SRD5A2: variants seen among roughly 807,000 people sequenced by gnomAD.
SRD5A2 encodes 3-oxo-5-alpha-steroid 4-dehydrogenase 2.
In SRD5A2, 30 loss-of-function variants were observed where a neutral mutation model predicts 27.4. The observed-to-expected ratio is 1.10, with a 90% CI of 0.82 to 1.49. The LOEUF (loss-of-function observed/expected upper bound fraction) is 1.49, where lower values mean the gene tolerates loss of function less well. Among genes scored for constraint, SRD5A2 ranks in the 40% most tolerant of loss-of-function variants. The pLI, the probability that SRD5A2 is intolerant of heterozygous loss-of-function variation, is 0.00. For missense variants in SRD5A2, 348 were observed against 323.4 expected (o/e 1.08, Z -0.58); for synonymous variants, 141 against 133.6 (o/e 1.06, Z -0.38).
At chr2:31,630,445 A>G in the SRD5A2 span, among the ~76,000 whole-genome samples, 1 of 152,182 alleles carries the variant, frequency 6.6e-6, no homozygotes, top group East Asian at 1.9e-4. Flanking sequence ...CATCATGGAA[A>G]GTCTTCTCTA....
the SRD5A2 span, among the ~76,000 whole-genome samples, chr2:31,616,877 C>A: frequency 1.3e-5 from 2 of 152,068 alleles, no homozygotes; most frequent in Admixed American, 1.3e-4. Context: ...TGTCCTCACC[C>A]AAACCTTATC....
intron 1 of SRD5A2, among the ~76,000 whole-genome samples, chr2:31,542,285 C>T (rs781428857): frequency 5.9e-5 from 9 of 152,184 alleles, no homozygotes; most frequent in Non-Finnish European, 1.3e-4. Flanking sequence ...TATACACCTA[C>T]TACATACCCA....
chr2:31,632,482 C>A, the SRD5A2 span, among the ~76,000 whole-genome samples: 2 of 152,228 alleles, frequency 1.3e-5, no homozygotes, highest in Non-Finnish European at 2.9e-5. Flanking sequence ...AAGCCACTAA[C>A]CAGATGATTC....
At chr2:31,533,507 T>C (rs1282260342) in intron 2 of SRD5A2, 96 bp downstream of exon 2, 2 of 1,135,084 alleles carry the variant, frequency 1.8e-6, no homozygotes, top group Non-Finnish European at 2.6e-6. Context: ...ATGGGATCAT[T>C]ACGAGGTCAT....
the SRD5A2 span, among the ~76,000 whole-genome samples, chr2:31,649,804 G>A: frequency 5.9e-5 from 9 of 151,912 alleles, no homozygotes; most frequent in African/African-American, 1.7e-4. Context: ...AATATATAAC[G>A]GGTATTTTTC....
chr2:31,573,315 C>T (rs1273911851), intron 1 of SRD5A2, among the ~76,000 whole-genome samples: 1 of 152,232 alleles, frequency 6.6e-6, no homozygotes, highest in Admixed American at 6.5e-5. Context: ...CCTTCTATAA[C>T]CAAATGGAAG....
At chr2:31,622,967 T>C in the SRD5A2 span, among the ~76,000 whole-genome samples, 1 of 152,076 alleles carries the variant, frequency 6.6e-6, no homozygotes, top group Admixed American at 6.6e-5. Flanking sequence ...TTCACCTGCT[T>C]TTTCACCTGC....
At chr2:31,581,008 G>A (rs1667072684), upstream of SRD5A2, 1 of 1,263,152 alleles carries the variant, frequency 7.9e-7, no homozygotes, top group East Asian at 2.6e-5. Context: ...CCTCGGCCTT[G>A]GCTCCCGCCC....
chr2:31,533,178 C>G (rs1313133054), intron 2 of SRD5A2, among the ~76,000 whole-genome samples: 1 of 152,110 alleles, frequency 6.6e-6, no homozygotes, highest in Non-Finnish European at 1.5e-5. Flanking sequence ...ACTGGACACC[C>G]CTGTACTAGG....
At chr2:31,649,301 C>G in the SRD5A2 span, among the ~76,000 whole-genome samples, 1 of 152,144 alleles carries the variant, frequency 6.6e-6, no homozygotes, top group Admixed American at 6.5e-5. Context: ...CCTGAATACA[C>G]ACCTTATTGA....
At chr2:31,574,239 A>G (rs1288309500) in intron 1 of SRD5A2, among the ~76,000 whole-genome samples, 2 of 152,192 alleles carry the variant, frequency 1.3e-5, no homozygotes, top group African/African-American at 4.8e-5. Context: ...CCTTCTTCCT[A>G]GAGGGCAAGC....
chr2:31,618,192 A>C, the SRD5A2 span, among the ~76,000 whole-genome samples: 1 of 152,162 alleles, frequency 6.6e-6, no homozygotes, highest in African/African-American at 2.4e-5. Context: ...AGATCTTGTG[A>C]GACTTATTCA....
chr2:31,611,109 A>C, the SRD5A2 span, among the ~76,000 whole-genome samples: 1 of 152,090 alleles, frequency 6.6e-6, no homozygotes. Context: ...ACTCCATCTA[A>C]AAAAATAATA....
chr2:31,611,189 C>T, the SRD5A2 span, among the ~76,000 whole-genome samples: 1 of 151,918 alleles, frequency 6.6e-6, no homozygotes, highest in Non-Finnish European at 1.5e-5. Flanking sequence ...TGATTTTAGC[C>T]CCCAGCCTTT....
At chr2:31,595,417 C>T in the SRD5A2 span, among the ~76,000 whole-genome samples, 1 of 152,154 alleles carries the variant, frequency 6.6e-6, no homozygotes, top group Non-Finnish European at 1.5e-5. Context: ...TTCAAGGCTA[C>T]TATGAACACT....
At chr2:31,587,832 G>C in the SRD5A2 span, among the ~76,000 whole-genome samples, 1 of 152,076 alleles carries the variant, frequency 6.6e-6, no homozygotes, top group African/African-American at 2.4e-5. Flanking sequence ...GGTTGAAGGT[G>C]CAGCAAACTA....
At chr2:31,533,973 A>G (rs1665971923) in intron 1 of SRD5A2, among the ~76,000 whole-genome samples, 1 of 152,242 alleles carries the variant, frequency 6.6e-6, no homozygotes, top group Non-Finnish European at 1.5e-5. Context: ...ACTAAGAAAT[A>G]ATCAACAACA....
In SRD5A2 at chr2:31,531,445, C is replaced by T. The variant is rs768525253; in HGVS notation, c.473G>A (p.Gly158Glu). The change falls in exon 3 of 5, where the codon GGA becomes GAA. Residue 158 changes from glycine to glutamate, a missense_variant. By Grantham distance (98) the Gly-to-Glu change is moderately conservative. Transcript: ENST00000622030. ...LGVFLFILGM[G>E]INIHSDYILR... Reference sequence around the variant, plus strand: ...TATATAGTCACTATGAATGTTTATTCCCATTCCCAAAATAAATAAGAAGAC... The same window carrying T: ...TATATAGTCACTATGAATGTTTATTTCCATTCCCAAAATAAATAAGAAGAC... The T allele has an allele frequency of 5.0e-6, 8 of 1,597,596 alleles. No homozygotes were observed. Among genetic ancestry groups the T allele is most frequent in the South Asian group, 2.3e-5 (2 of 88,132 alleles).
intron 1 of SRD5A2, among the ~76,000 whole-genome samples, chr2:31,580,413 C>T (rs1191016369): frequency 6.6e-6 from 1 of 152,218 alleles, no homozygotes; most frequent in African/African-American, 2.4e-5. Context: ...AAGGCGGCGT[C>T]TGTGCCGCAG....
Sources: gnomAD v4.1 joint callset for allele counts (sites outside exome capture counted in the v4.1 genomes callset) on GRCh38, gnomAD v4.1.1 for gene constraint, MANE v1.5 for transcripts, NCBI Gene and HGNC (gene_info 2026-07-23, HGNC 2026-07-21) for gene names.